C1QTNF7: variants seen among roughly 807,000 people sequenced by gnomAD.
C1QTNF7 encodes the protein complement C1q tumor necrosis factor-related protein 7.
In C1QTNF7, 15 loss-of-function variants were observed where a neutral mutation model predicts 19.6. The observed-to-expected ratio is 0.76, with a 90% CI of 0.51 to 1.18. C1QTNF7 has a LOEUF of 1.18. Among genes scored for constraint, C1QTNF7 ranks in the 50% most tolerant of loss-of-function variants. The probability of loss-of-function intolerance (pLI) is 0.00; values close to 1 mark genes in which losing one functional copy is unlikely to be tolerated. For synonymous variants in C1QTNF7, 142 were observed against 137.5 expected (o/e 1.03, Z -0.23); for missense variants, 324 against 359.7 (o/e 0.90, Z 0.80).
At chr4:15,380,710 G>C (rs13149183) in intron 1 of C1QTNF7, among the ~76,000 whole-genome samples, 72,785 of 151,574 alleles carry the variant, frequency 0.48, 19,023 homozygotes, top group African/African-American at 0.69. Context: ...CAAGACAAGT[G>C]GATCACTTGA....
chr4:15,341,146 C>T (rs553747700), intron 1 of C1QTNF7, among the ~76,000 whole-genome samples: 42 of 152,354 alleles, frequency 2.8e-4, no homozygotes, highest in South Asian at 4.1e-4. Context: ...CATTCCTTCA[C>T]GCACACAAGC....
At chr4:15,381,714 T>C (rs1471860887) in intron 1 of C1QTNF7, 1 of 152,198 alleles carries the variant, frequency 6.6e-6, no homozygotes, top group Non-Finnish European at 1.5e-5. Flanking sequence ...GAACTAGACA[T>C]TCAGGAAATG....
Position 15,435,741 on chromosome 4 carries a change from A to G in C1QTNF7, c.-3A>G. On this transcript the variant is annotated 5_prime_UTR_variant, in exon 2 of 3. Transcript: ENST00000444304. ...TCTGTGTGTTTCTCTTCCAGAGCCAAAGATGTTTGTCTTGCTCTATGTTAC... is the reference window on the plus strand; with the variant it reads ...TCTGTGTGTTTCTCTTCCAGAGCCAGAGATGTTTGTCTTGCTCTATGTTAC... The G allele has an allele frequency of 6.2e-7, 1 of 1,614,136 alleles. No homozygotes were observed. The highest frequency in any genetic ancestry group is 1.7e-5 in the Admixed American group (1 of 60,014).
intron 1 of C1QTNF7, among the ~76,000 whole-genome samples, chr4:15,419,655 C>T (rs954627071): frequency 2.6e-5 from 4 of 152,042 alleles, no homozygotes; most frequent in Non-Finnish European, 5.9e-5. Context: ...CCTGATATTT[C>T]GTGAGCGTAT....
intron 1 of C1QTNF7, among the ~76,000 whole-genome samples, chr4:15,343,582 G>A (rs1471070446): frequency 6.6e-6 from 1 of 152,148 alleles, no homozygotes; most frequent in Non-Finnish European, 1.5e-5. Context: ...AATAGGGACA[G>A]TCCAGAAGAA....
chr4:15,375,885 A>G (rs1476591496), intron 1 of C1QTNF7, among the ~76,000 whole-genome samples: 1 of 152,178 alleles, frequency 6.6e-6, no homozygotes. Context: ...TTTGGTGTGT[A>G]CTTCCACATC....
At chr4:15,369,186 A>G (rs1179894151) in intron 1 of C1QTNF7, among the ~76,000 whole-genome samples, 1 of 152,186 alleles carries the variant, frequency 6.6e-6, no homozygotes, top group African/African-American at 2.4e-5. Context: ...AAGAAACAAA[A>G]TATTTTAGCA....
At chr4:15,393,940 A>G (rs983494021) in intron 1 of C1QTNF7, among the ~76,000 whole-genome samples, 1 of 149,452 alleles carries the variant, frequency 6.7e-6, no homozygotes, top group Non-Finnish European at 1.5e-5. Context: ...ACCATTTCCT[A>G]CATCGTATAG....
At chr4:15,437,752 A>G (rs10020649) in intron 2 of C1QTNF7, among the ~76,000 whole-genome samples, 3,074 of 123,162 alleles carry the variant, frequency 0.025, 111 homozygotes, top group African/African-American at 0.077. Flanking sequence ...CTCTGCACTA[A>G]TGAGAATTTG....
At chr4:15,391,926 A>C (rs992234298) in intron 1 of C1QTNF7, among the ~76,000 whole-genome samples, 1 of 152,138 alleles carries the variant, frequency 6.6e-6, no homozygotes, top group African/African-American at 2.4e-5. Flanking sequence ...TGGCATTACA[A>C]CGTGGGTCTT....
chr4:15,404,201 T>C (rs1023979039), intron 1 of C1QTNF7, among the ~76,000 whole-genome samples: 1 of 152,228 alleles, frequency 6.6e-6, no homozygotes, highest in African/African-American at 2.4e-5. Flanking sequence ...ATATATATTT[T>C]TAAAAAGACC....
intron 1 of C1QTNF7, among the ~76,000 whole-genome samples, chr4:15,359,731 T>G (rs968809089): frequency 1.1e-4 from 17 of 151,234 alleles, no homozygotes; most frequent in African/African-American, 4.1e-4. Context: ...ATCCCTGGAG[T>G]TTTCAACTCC....
At chr4:15,417,292 C>A (rs35866319) in intron 1 of C1QTNF7, among the ~76,000 whole-genome samples, 37,750 of 152,136 alleles carry the variant, frequency 0.25, 5,958 homozygotes, top group Non-Finnish European at 0.35. Context: ...CAGCAGAGAA[C>A]CCCATACTAC....
chr4:15,362,215 C>T (rs1291594831), intron 1 of C1QTNF7, among the ~76,000 whole-genome samples: 3 of 152,176 alleles, frequency 2.0e-5, no homozygotes, highest in Non-Finnish European at 4.4e-5. Context: ...ACTCTTATTT[C>T]CTAAGAGGTG....
At chr4:15,410,133 G>A (rs1719354206) in intron 1 of C1QTNF7, among the ~76,000 whole-genome samples, 1 of 152,078 alleles carries the variant, frequency 6.6e-6, no homozygotes, top group Non-Finnish European at 1.5e-5. Context: ...AACTCCTGAG[G>A]CATTTTAATT....
At chr4:15,392,951 C>T (rs901348047) in intron 1 of C1QTNF7, among the ~76,000 whole-genome samples, 2 of 152,170 alleles carry the variant, frequency 1.3e-5, no homozygotes, top group African/African-American at 4.8e-5. Context: ...CTGGGAGACA[C>T]ACTCTGATAT....
intron 1 of C1QTNF7, among the ~76,000 whole-genome samples, chr4:15,411,636 C>T (rs2108916751): frequency 6.6e-6 from 1 of 152,294 alleles, no homozygotes; most frequent in South Asian, 2.1e-4. Flanking sequence ...TCTAAACCAA[C>T]CCGGACACCC....
intron 1 of C1QTNF7, among the ~76,000 whole-genome samples, chr4:15,356,972 A>G (rs1446887909): frequency 6.9e-6 from 1 of 145,040 alleles, no homozygotes; most frequent in South Asian, 2.1e-4. Context: ...AATTTGTTTA[A>G]ATTCCTTGTA....
chr4:15,407,713 G>C (rs1719242595), intron 1 of C1QTNF7, among the ~76,000 whole-genome samples: 2 of 152,108 alleles, frequency 1.3e-5, no homozygotes, highest in South Asian at 4.2e-4. Flanking sequence ...GCACAGCCTG[G>C]ACTTAATTAA....
Sources: allele counts gnomAD v4.1 joint callset (sites outside exome capture counted in the v4.1 genomes callset), GRCh38; gene constraint gnomAD v4.1.1; transcripts MANE v1.5; gene names NCBI Gene and HGNC (gene_info 2026-07-23, HGNC 2026-07-21).